Variants in ATXN7L1 observed in about 807,000 individuals in gnomAD.
ATXN7L1 encodes ataxin-7-like protein 1.
Under a neutral mutation model 70.8 loss-of-function variants are expected in ATXN7L1, and 15 were observed. The ratio of observed to expected loss-of-function variants is 0.21; its 90% CI spans 0.14 to 0.33. ATXN7L1 has a LOEUF of 0.33. ATXN7L1 is among the 10% of genes least tolerant of loss of function. The pLI is 1.00. For missense variants in ATXN7L1, 975 were observed against 1,097.1 expected (o/e 0.89, Z 1.57); for synonymous variants, 440 against 445.1 (o/e 0.99, Z 0.14).
intron 7 of ATXN7L1, among the ~76,000 whole-genome samples, chr7:105,635,974 A>AT (rs1797296895): frequency 6.6e-6 from 1 of 151,974 alleles, no homozygotes; most frequent in Admixed American, 6.6e-5. Flanking sequence ...GATCATGCCT[A>AT]TTCAATCTTT....
At chr7:105,792,721 C>T (rs1019703144) in intron 2 of ATXN7L1, among the ~76,000 whole-genome samples, 1 of 152,216 alleles carries the variant, frequency 6.6e-6, no homozygotes, top group African/African-American at 2.4e-5. Flanking sequence ...AGCTTGAAAT[C>T]AGCCATGGTG....
At chr7:105,819,808 G>C (rs1353583402) in intron 2 of ATXN7L1, 3 of 646,860 alleles carry the variant, frequency 4.6e-6, no homozygotes, top group Non-Finnish European at 8.8e-6. Context: ...GGTGTTTGAC[G>C]GCATCCCACC....
At chr7:105,648,711 G>A (rs999339804) in intron 4 of ATXN7L1, among the ~76,000 whole-genome samples, 1 of 152,124 alleles carries the variant, frequency 6.6e-6, no homozygotes, top group Non-Finnish European at 1.5e-5. Flanking sequence ...CACTGGCCCC[G>A]TGTGCATCCC....
chr7:105,713,432 T>C (rs1322450442), intron 3 of ATXN7L1, among the ~76,000 whole-genome samples: 1 of 152,226 alleles, frequency 6.6e-6, no homozygotes, highest in Admixed American at 6.5e-5. Flanking sequence ...CAGAGCCCAA[T>C]GCGTTGCAGG....
intron 3 of ATXN7L1, among the ~76,000 whole-genome samples, chr7:105,751,464 C>A (rs1011826439): frequency 1.3e-5 from 2 of 151,892 alleles, no homozygotes; most frequent in South Asian, 4.2e-4. Context: ...AAACCCCCGT[C>A]TCTACTAAAA....
At position 105,760,150 on chromosome 7, in the gene ATXN7L1, C is replaced by T. The variant is rs1343320844; in HGVS notation, c.355+28454G>A. ...TTCTCCTCTTGTCACTCATACTGGC[C>T]CCCTAACTGTTAATCTGTCTGTCCA... On this transcript the variant is annotated intron_variant, in intron 3 of 11. Coordinates refer to ENST00000419735, the MANE Select transcript of ATXN7L1 (RefSeq NM_020725.2). 5.2e-6 allele frequency: 5 copies of T among 960,134 alleles called. No homozygotes were observed. In the African/African-American group the frequency reaches 7.1e-5, roughly 14 times the overall value. The allele number at this position is 960,134 out of a possible 1,614,324, so 59.5% of individuals were successfully genotyped here.
In ATXN7L1 at chr7:105,742,947, T is replaced by G. The variant is rs73413224; in HGVS notation, c.355+45657A>C. Among the ~76,000 whole-genome samples the G allele has an allele frequency of 8.8e-3, 1,345 of 152,208 alleles. 24 individuals are homozygous for G. The highest frequency in any genetic ancestry group is 0.031 in the African/African-American group (1,283 of 41,506). On this transcript the variant is annotated intron_variant, in intron 3 of 11. Coordinates refer to ENST00000419735, the MANE Select transcript of ATXN7L1 (RefSeq NM_020725.2). The stretch of plus-strand genomic sequence containing the variant: ...ACCTCTCCCCCTCTCAACATGCTTA[T>G]GCCCTCCCCAACTTCCAGTCCTTAT...
chr7:105,662,042 C>CGTTT (rs1801724637), intron 4 of ATXN7L1, among the ~76,000 whole-genome samples: 1 of 101,586 alleles, frequency 9.8e-6, no homozygotes, highest in Non-Finnish European at 2.1e-5. Flanking sequence ...TTCCTTCCTT[C>CGTTT]CTTCCTTCCT....
intron 8 of ATXN7L1, among the ~76,000 whole-genome samples, chr7:105,623,570 C>T (rs759018471): frequency 2.6e-5 from 4 of 152,340 alleles, no homozygotes; most frequent in African/African-American, 7.2e-5. Context: ...CACACACACA[C>T]GCTCAGTTCT....
At position 105,814,437 on chromosome 7, in the gene ATXN7L1, GT is replaced by G. The variant is rs35343635; in HGVS notation, c.251-25730del. Among the ~76,000 whole-genome samples the G allele has an allele frequency of 1.5e-3, 232 of 149,678 alleles. 2 individuals are homozygous for G. The highest frequency in any genetic ancestry group is 6.8e-3 in the Middle Eastern group (2 of 292). ...TATCAATTCAGTGTTTTCCAGCAGG[GT>G]TTTTTTTTTCCAGGTTGTATGTCTG... is the stretch of plus-strand genomic sequence containing the variant. On this transcript the variant is annotated intron_variant, in intron 2 of 11. Transcript: ENST00000419735.
intron 3 of ATXN7L1, among the ~76,000 whole-genome samples, chr7:105,727,320 T>C (rs1288896797): frequency 6.6e-6 from 1 of 152,120 alleles, no homozygotes; most frequent in Non-Finnish European, 1.5e-5. Context: ...CTAAGTTGAA[T>C]GGTTTGGAGA....
chr7:105,778,722 T>C (rs1803127466), intron 3 of ATXN7L1, among the ~76,000 whole-genome samples: 2 of 152,156 alleles, frequency 1.3e-5, no homozygotes, highest in Non-Finnish European at 2.9e-5. Flanking sequence ...GATCTGCTCA[T>C]TTGTTGGGGA....
At chr7:105,783,548 T>C (rs1803844958) in intron 3 of ATXN7L1, among the ~76,000 whole-genome samples, 1 of 152,106 alleles carries the variant, frequency 6.6e-6, no homozygotes, top group Admixed American at 6.5e-5. Context: ...TAACCAATCA[T>C]GCATGGAACC....
intron 3 of ATXN7L1, among the ~76,000 whole-genome samples, chr7:105,738,933 C>T (rs185702636): frequency 4.6e-4 from 70 of 152,280 alleles, no homozygotes; most frequent in Non-Finnish European, 8.5e-4. Flanking sequence ...GAATACAGTA[C>T]TAGGTGGATG....
chr7:105,832,732 C>G (rs1326917195), intron 2 of ATXN7L1, among the ~76,000 whole-genome samples: 1 of 152,208 alleles, frequency 6.6e-6, no homozygotes, highest in Admixed American at 6.5e-5. Context: ...CTACTGATTT[C>G]TCTCCTCCCC....
chr7:105,739,294 C>T (rs970801659), intron 3 of ATXN7L1, among the ~76,000 whole-genome samples: 3 of 152,124 alleles, frequency 2.0e-5, no homozygotes, highest in Admixed American at 6.5e-5. Flanking sequence ...TACGTTTGCA[C>T]CAACCTAAGA....
At chr7:105,782,833 G>A (rs1277216694) in intron 3 of ATXN7L1, among the ~76,000 whole-genome samples, 1 of 152,226 alleles carries the variant, frequency 6.6e-6, no homozygotes, top group Non-Finnish European at 1.5e-5. Flanking sequence ...AGTGTGGGAA[G>A]CAAAAGATGA....
intron 3 of ATXN7L1, among the ~76,000 whole-genome samples, chr7:105,692,428 C>CCTTCCCTCCCTCCCTCCTTCCTTCCTT: frequency 1.9e-5 from 1 of 53,790 alleles, no homozygotes; most frequent in Non-Finnish European, 3.3e-5. Flanking sequence ...CTTCCTTCCT[C>CCTTCCCTCCCTCCCTCCTTCCTTCCTT]CCTCCCTCCC....
chr7:105,758,190 A>C (rs1483592967), intron 3 of ATXN7L1, among the ~76,000 whole-genome samples: 1 of 152,196 alleles, frequency 6.6e-6, no homozygotes, highest in African/African-American at 2.4e-5. Flanking sequence ...GGCTCCCAGC[A>C]GTGATATGTG....
Sources: allele counts gnomAD v4.1 joint callset (sites outside exome capture counted in the v4.1 genomes callset), GRCh38; gene constraint gnomAD v4.1.1; transcripts MANE v1.5; gene names NCBI Gene and HGNC (gene_info 2026-07-23, HGNC 2026-07-21).